Variants in RIMS1 observed in about 807,000 individuals in gnomAD.
The protein encoded by RIMS1 is regulating synaptic membrane exocytosis 1, also known as regulating synaptic membrane exocytosis protein 1.
RIMS1 carries 83 observed loss-of-function variants against 214.1 expected under a neutral mutation model. That is an observed-to-expected ratio of 0.39 (90% confidence interval 0.32 to 0.47). The LOEUF (loss-of-function observed/expected upper bound fraction) is 0.47. Ranked by LOEUF, RIMS1 falls within the 20% of genes least tolerant of loss-of-function variation. RIMS1 has a pLI of 0.99. For synonymous variants in RIMS1, 793 were observed against 786.8 expected (o/e 1.01, Z -0.13); for missense variants, 2,050 against 2,161.8 (o/e 0.95, Z 1.03).
intron 29 of RIMS1, among the ~76,000 whole-genome samples, chr6:72,374,627 G>A (rs553689555): frequency 2.8e-4 from 43 of 152,220 alleles, no homozygotes; most frequent in African/African-American, 9.1e-4. Flanking sequence ...AGTATTTTGC[G>A]TTAAAACAGC....
chr6:72,126,676 A>C (rs762222552), intron 4 of RIMS1: 2 of 270,188 alleles, frequency 7.4e-6, no homozygotes, highest in African/African-American at 4.5e-5. Flanking sequence ...ATATGAAAAA[A>C]TGCTCAGCAT....
At chr6:72,161,964 A>T (rs1293047713) in intron 4 of RIMS1, among the ~76,000 whole-genome samples, 1 of 140,502 alleles carries the variant, frequency 7.1e-6, no homozygotes, top group African/African-American at 2.5e-5. Flanking sequence ...TGTCTTGTTG[A>T]CCTGTCAATT....
intron 1 of RIMS1, among the ~76,000 whole-genome samples, chr6:71,952,432 A>C (rs895626154): frequency 4.6e-5 from 7 of 152,350 alleles, no homozygotes; most frequent in African/African-American, 1.4e-4. Flanking sequence ...CCTGTCTATC[A>C]CAGAGACTCT....
chr6:72,271,286 A>ATATATATATATAT (rs1554403465), intron 22 of RIMS1, among the ~76,000 whole-genome samples: 37 of 44,282 alleles, frequency 8.4e-4, no homozygotes, highest in Admixed American at 1.3e-3. Flanking sequence ...AAAAAAAAAA[A>ATATATATATATAT]ATATATATAT....
At chr6:71,934,120 C>G (rs1040414004) in intron 1 of RIMS1, among the ~76,000 whole-genome samples, 4 of 152,268 alleles carry the variant, frequency 2.6e-5, no homozygotes, top group Admixed American at 6.5e-5. Context: ...AAAGGGTGAG[C>G]ATCAGTGTGT....
chr6:72,063,504 G>C (rs189694311), intron 2 of RIMS1, among the ~76,000 whole-genome samples: 117 of 152,286 alleles, frequency 7.7e-4, no homozygotes, highest in African/African-American at 2.8e-3. Flanking sequence ...CAGGACTTTG[G>C]GCATACCTTC....
At chr6:72,204,172 G>A (rs900505525) in intron 6 of RIMS1, among the ~76,000 whole-genome samples, 2 of 152,208 alleles carry the variant, frequency 1.3e-5, no homozygotes, top group African/African-American at 2.4e-5. Flanking sequence ...TTAAGGAACA[G>A]AAGAGTGACT....
At position 72,036,598 on chromosome 6, in the gene RIMS1, A is replaced by C. The variant is rs1454269678; in HGVS notation, c.246-60351A>C. On this transcript the variant is annotated intron_variant, in intron 2 of 33. Transcript: ENST00000521978. ...AAAATAAATCTAATAAAATATTGGA[A>C]AATATTTTCACTTAATAACTGAGCT... Among the ~76,000 whole-genome samples the C allele has an allele frequency of 2.0e-5, 3 of 152,212 alleles. No homozygotes were observed. The East Asian group carries it at 5.8e-4, about 29-fold the overall frequency.
rs569704948 is a variant in RIMS1, at chr6:72,045,537, A to G, written c.246-51412A>G. On this transcript the variant is annotated intron_variant, in intron 2 of 33. Transcript: ENST00000521978. ...ATTTGTAATTATTAAAAAAGCTACA[A>G]TGCTATTTTATTAAAATTAATTAGA... is the stretch of plus-strand genomic sequence containing the variant. Among the ~76,000 whole-genome samples the G allele has an allele frequency of 1.9e-3, 292 of 152,140 alleles. 1 individual carries two copies. Among genetic ancestry groups the G allele is most frequent in the African/African-American group, 6.6e-3 (276 of 41,560 alleles).
At chr6:72,086,581 C>T (rs1834717418) in intron 2 of RIMS1, among the ~76,000 whole-genome samples, 1 of 152,106 alleles carries the variant, frequency 6.6e-6, no homozygotes, top group Non-Finnish European at 1.5e-5. Flanking sequence ...TCTTATGCTA[C>T]TTTCTTTGTA....
chr6:72,362,410 G>A (rs1370102699), intron 29 of RIMS1, among the ~76,000 whole-genome samples: 9 of 152,118 alleles, frequency 5.9e-5, no homozygotes, highest in Non-Finnish European at 1.0e-4. Flanking sequence ...TTACTTACCA[G>A]AGACAGATTT....
At chr6:71,926,387 G>A (rs560753906) in intron 1 of RIMS1, among the ~76,000 whole-genome samples, 12 of 152,240 alleles carry the variant, frequency 7.9e-5, no homozygotes, top group African/African-American at 2.9e-4. Flanking sequence ...ACTTTCCCAT[G>A]TTTAGCTGTA....
At position 72,052,174 on chromosome 6, in the gene RIMS1, A is replaced by G. The variant is rs149844794; in HGVS notation, c.246-44775A>G. Among the ~76,000 whole-genome samples, 34 of 152,342 alleles carry G rather than the reference A, an allele frequency of 2.2e-4. No individual in the cohort carries two copies. In the East Asian group the frequency reaches 6.2e-3, roughly 28 times the overall value. The stretch of plus-strand genomic sequence containing the variant: ...AATGAAATGTTGATTCTGTCTTCCA[A>G]CAAGATGAGTGTGTAGTCCTCACAA... On this transcript the variant is annotated intron_variant, in intron 2 of 33. Coordinates refer to ENST00000521978, the MANE Select transcript of RIMS1 (RefSeq NM_014989.7).
Position 71,886,594 on chromosome 6 carries a change from C to A in RIMS1, c.-430C>A, listed in dbSNP as rs974573327. 6.6e-6 allele frequency: 1 copy of A among 150,826 alleles called. No individual in the cohort carries two copies. Among genetic ancestry groups the A allele is most frequent in the African/African-American group, 2.4e-5 (1 of 41,340 alleles). The allele number at this position is 150,826 out of a possible 1,614,324, so 9.3% of individuals were successfully genotyped here. ...CTGGGAGCAGCCTCCACGGCGGCAG[C>A]GGCCGCCCCAGTCCCAGCCCCAGCC... On this transcript the variant is annotated 5_prime_UTR_variant, in exon 1 of 34. Coordinates refer to ENST00000521978, the MANE Select transcript of RIMS1 (RefSeq NM_014989.7).
intron 2 of RIMS1, among the ~76,000 whole-genome samples, chr6:72,065,746 A>G (rs1829136206): frequency 6.6e-6 from 1 of 152,192 alleles, no homozygotes; most frequent in Admixed American, 6.5e-5. Flanking sequence ...GAAAGGTTCT[A>G]TGACTTGCCT....
intron 2 of RIMS1, among the ~76,000 whole-genome samples, chr6:72,006,508 T>C (rs906294906): frequency 6.6e-6 from 1 of 151,944 alleles, no homozygotes; most frequent in Non-Finnish European, 1.5e-5. Flanking sequence ...GTGCACCGAG[T>C]GTGATCCGAG....
At chr6:72,259,283 T>A (rs2077029610) in intron 18 of RIMS1, among the ~76,000 whole-genome samples, 172 bp downstream of exon 18, 1 of 152,296 alleles carries the variant, frequency 6.6e-6, no homozygotes. Context: ...CTAGGAAATA[T>A]TTGGCTAATA....
chr6:71,929,099 A>G (rs1453423490), intron 1 of RIMS1, among the ~76,000 whole-genome samples: 1 of 152,104 alleles, frequency 6.6e-6, no homozygotes, highest in African/African-American at 2.4e-5. Context: ...TCTCCTTAGC[A>G]CTTGTCTGGG....
At chr6:72,140,472 C>T (rs933121239) in intron 4 of RIMS1, among the ~76,000 whole-genome samples, 1 of 152,006 alleles carries the variant, frequency 6.6e-6, no homozygotes, top group Non-Finnish European at 1.5e-5. Flanking sequence ...ATTTACAAAG[C>T]ATCAGGAAGA....
Sources: gnomAD v4.1 joint callset for allele counts (sites outside exome capture counted in the v4.1 genomes callset) on GRCh38, gnomAD v4.1.1 for gene constraint, MANE v1.5 for transcripts, NCBI Gene and HGNC (gene_info 2026-07-23, HGNC 2026-07-21) for gene names.